ADGRL4: variants seen among roughly 807,000 people sequenced by gnomAD.
ADGRL4 encodes adhesion G protein-coupled receptor L4.
Under a neutral mutation model 74.8 loss-of-function variants are expected in ADGRL4, and 90 were observed. The observed-to-expected ratio is 1.20, with a 90% confidence interval of 1.02 to 1.43. ADGRL4 has a LOEUF of 1.43. ADGRL4 is among the 40% of genes most tolerant of loss of function. The pLI, the probability that ADGRL4 is intolerant of heterozygous loss-of-function variation, is 0.00. For missense variants in ADGRL4, 881 were observed against 814.3 expected (o/e 1.08, Z -1.00); for synonymous variants, 311 against 279.2 (o/e 1.11, Z -1.14).
intron 12 of ADGRL4, among the ~76,000 whole-genome samples, chr1:78,895,976 G>C (rs1451278471): frequency 6.6e-6 from 1 of 152,020 alleles, no homozygotes. Flanking sequence ...ACCTTAAATA[G>C]GGATTTCTAA....
Position 78,939,216 on chromosome 1 carries a change from G to C in ADGRL4, c.368C>G (p.Ala123Gly). 6.4e-7 allele frequency: 1 copy of C among 1,565,978 alleles called. No individual in the cohort carries two copies. The highest frequency in any genetic ancestry group is 2.3e-5 in the East Asian group (1 of 43,170). ...ANCHLDNVCI[A>G]ANINKTLTKI... ...TGTTAAAGTTTTATTAATATTTGCA[G>C]CTATACAGACATTATCTAAATGGCA... The change falls in exon 4 of 15, where the codon GCT (alanine) becomes GGT (glycine). Residue 123 changes from alanine to glycine, a missense_variant. By Grantham distance (60) the Ala-to-Gly change is moderately conservative. Transcript: ENST00000370742.
intron 12 of ADGRL4, among the ~76,000 whole-genome samples, chr1:78,914,498 T>C (rs1451102684): frequency 6.6e-6 from 1 of 151,808 alleles, no homozygotes; most frequent in East Asian, 1.9e-4. Flanking sequence ...GTCATTGCTA[T>C]CCCCAAAATG....
In ADGRL4 at chr1:78,920,356, T is replaced by C. The variant is rs775548717; in HGVS notation, c.1288A>G (p.Ile430Val). Residue 430 changes from isoleucine to valine, a missense_variant, in exon 10 of 15, where the codon ATC (isoleucine) becomes GTC (valine). By Grantham distance (29) the Ile-to-Val change is conservative. Coordinates refer to ENST00000370742, the MANE Select transcript of ADGRL4 (RefSeq NM_022159.4). ...GAAATAATTATTCCTAGTTGAGTGATCCTTGTAAGAATATTATAATCTTTA... is the reference window on the plus strand; with the variant it reads ...GAAATAATTATTCCTAGTTGAGTGACCCTTGTAAGAATATTATAATCTTTA... Reference protein sequence around the residue: ...GIKDYNILTRITQLGIIISLI... With the variant: ...GIKDYNILTRVTQLGIIISLI... 2 of 1,600,720 alleles carry C rather than the reference T, an allele frequency of 1.2e-6. No individual in the cohort carries two copies. The highest frequency in any genetic ancestry group is 1.1e-5 in the South Asian group (1 of 90,716).
At chr1:78,915,622 G>A (rs1479788606) in intron 12 of ADGRL4, among the ~76,000 whole-genome samples, 2 of 151,834 alleles carry the variant, frequency 1.3e-5, no homozygotes, top group Non-Finnish European at 2.9e-5. Context: ...CTCTCACGGG[G>A]CTATAGCTGG....
At chr1:78,917,535 A>T in intron 12 of ADGRL4, 99 bp downstream of exon 12, 2 of 685,722 alleles carry the variant, frequency 2.9e-6, no homozygotes, top group Non-Finnish European at 4.8e-6. Flanking sequence ...AAAATATTCA[A>T]ATTCTTCTTT....
intron 2 of ADGRL4, among the ~76,000 whole-genome samples, chr1:78,948,650 A>T (rs1271880252): frequency 6.6e-6 from 1 of 152,164 alleles, no homozygotes. Flanking sequence ...ATATAAATAA[A>T]TATATGATGC....
At chr1:78,946,528 G>T in intron 2 of ADGRL4, 102 bp from the exon 3 acceptor site, 1 of 944,100 alleles carries the variant, frequency 1.1e-6, no homozygotes, top group Non-Finnish European at 1.6e-6. Flanking sequence ...ATAGTTTAAG[G>T]TATGTGATGT....
intron 2 of ADGRL4, among the ~76,000 whole-genome samples, chr1:78,955,198 G>A (rs2100702856): frequency 6.6e-6 from 1 of 152,110 alleles, no homozygotes; most frequent in South Asian, 2.1e-4. Context: ...ACTGAGTACA[G>A]AACCCTCTTG....
intron 8 of ADGRL4, among the ~76,000 whole-genome samples, chr1:78,924,281 G>C (rs1446722325): frequency 6.6e-6 from 1 of 151,990 alleles, no homozygotes; most frequent in Admixed American, 6.6e-5. Flanking sequence ...GTGTGTGTCT[G>C]CGTGTATATG....
intron 2 of ADGRL4, among the ~76,000 whole-genome samples, chr1:78,982,998 G>C (rs577633316): frequency 6.6e-6 from 1 of 151,762 alleles, no homozygotes; most frequent in Non-Finnish European, 1.5e-5. Flanking sequence ...CCTAGGCTAC[G>C]GGGGCAGAGG....
At position 78,939,516 on chromosome 1, in the gene ADGRL4, TCTTTGTTC is replaced by T. The variant is rs1557505599; in HGVS notation, c.326-266_326-259del. ...AAATTAAAAAAAATAGGCTTTCATT[TCTTTGTTC>T]CATAGAAGATAAAGGAATGCAGGCA... On this transcript the variant is annotated intron_variant, in intron 3 of 14. Transcript: ENST00000370742. 4.8e-5 allele frequency: 11 copies of T among 229,426 alleles called. No individual in the cohort carries two copies. The Admixed American group carries it at 6.2e-4, about 13-fold the overall frequency. 14.2% of individuals were successfully genotyped at this position (229,426 alleles called of 1,614,324 possible).
At chr1:78,953,304 G>A (rs1245132676) in intron 2 of ADGRL4, among the ~76,000 whole-genome samples, 1 of 152,094 alleles carries the variant, frequency 6.6e-6, no homozygotes, top group Non-Finnish European at 1.5e-5. Context: ...TGGCTATGAA[G>A]TTGTTTTTGA....
Position 78,958,527 on chromosome 1 carries a change from G to T in ADGRL4, c.173-12101C>A, listed in dbSNP as rs139475692. On this transcript the variant is annotated intron_variant, in intron 2 of 14. Coordinates refer to ENST00000370742, the MANE Select transcript of ADGRL4 (RefSeq NM_022159.4). The stretch of plus-strand genomic sequence containing the variant: ...CAGTGGAGGAAGTAACTGCGGACGT[G>T]GTGGAAATATCAAGAGAACTAGAAA... 1.9e-3 allele frequency among the ~76,000 whole-genome samples: 290 copies of T among 152,212 alleles called. 1 individual carries two copies. The highest frequency in any genetic ancestry group is 6.7e-3 in the African/African-American group (279 of 41,532).
At chr1:78,956,409 C>T (rs983007622) in intron 2 of ADGRL4, among the ~76,000 whole-genome samples, 8 of 152,116 alleles carry the variant, frequency 5.3e-5, no homozygotes, top group African/African-American at 1.9e-4. Context: ...TACCTCTAAG[C>T]AAGAAATGGC....
At chr1:78,910,512 T>C (rs1319226055) in intron 12 of ADGRL4, among the ~76,000 whole-genome samples, 2 of 151,832 alleles carry the variant, frequency 1.3e-5, no homozygotes, top group South Asian at 2.1e-4. Context: ...AATTAGTATT[T>C]GCCTCAATCA....
Position 78,891,664 on chromosome 1 carries a change from G to A in ADGRL4, c.1870C>T (p.Leu624=), listed in dbSNP as rs765834986. The change falls in exon 14 of 15, where the codon CTG becomes TTG. Residue 624 remains leucine, a synonymous_variant. Transcript: ENST00000370742. The part of the protein sequence containing the change: ...RSCARGALAL[L]FLLGTTWIFG... ...ATCCAGGTGGTGCCGAGAAGGAACA[G>A]AAGAGCGAGGGCTCCTCTTGCACAA... 22 of 1,612,744 alleles carry A rather than the reference G, an allele frequency of 1.4e-5. No homozygotes were observed. Among genetic ancestry groups the A allele is most frequent in the Non-Finnish European group, 1.6e-5 (19 of 1,179,512 alleles).
At chr1:78,980,179 G>C (rs138575654) in intron 2 of ADGRL4, among the ~76,000 whole-genome samples, 4 of 147,020 alleles carry the variant, frequency 2.7e-5, no homozygotes, top group Admixed American at 2.0e-4. Flanking sequence ...CACACACACA[G>C]ACACATACAC....
At chr1:78,939,838 T>C (rs926754430) in intron 3 of ADGRL4, 3 of 152,592 alleles carry the variant, frequency 2.0e-5, no homozygotes, top group African/African-American at 7.2e-5. Context: ...TTAGTGCTCA[T>C]ATGCCTGCTA....
chr1:78,973,253 ATGTC>A (rs1390633974), intron 2 of ADGRL4, among the ~76,000 whole-genome samples: 2 of 152,074 alleles, frequency 1.3e-5, no homozygotes, highest in Non-Finnish European at 2.9e-5. Context: ...AACAGAGTAA[ATGTC>A]TGGTGATTCC....
Sources: allele counts gnomAD v4.1 joint callset (sites outside exome capture counted in the v4.1 genomes callset), GRCh38; gene constraint gnomAD v4.1.1; transcripts MANE v1.5; gene names NCBI Gene and HGNC (gene_info 2026-07-23, HGNC 2026-07-21).